MCF2L2: variants seen among roughly 807,000 people sequenced by gnomAD.
The protein encoded by MCF2L2 is probable guanine nucleotide exchange factor MCF2L2.
In MCF2L2, 102 loss-of-function variants were observed where a neutral mutation model predicts 150.2. The observed-to-expected ratio is 0.68, with a 90% CI of 0.58 to 0.80. The LOEUF (loss-of-function observed/expected upper bound fraction) is 0.80. MCF2L2 is among the 30% of genes least tolerant of loss of function. The pLI, the probability that MCF2L2 is intolerant of heterozygous loss-of-function variation, is 0.00. For synonymous variants in MCF2L2, 465 were observed against 491.3 expected (o/e 0.95, Z 0.71); for missense variants, 1,256 against 1,372.8 (o/e 0.91, Z 1.34).
At chr3:183,257,652 CTATCA>C (rs2108404529) in intron 15 of MCF2L2, among the ~76,000 whole-genome samples, 1 of 152,324 alleles carries the variant, frequency 6.6e-6, no homozygotes, top group Non-Finnish European at 1.5e-5. Context: ...TATAAACCCT[CTATCA>C]AGTGTTGCTT....
intron 14 of MCF2L2, among the ~76,000 whole-genome samples, chr3:183,278,668 C>G (rs1224712920): frequency 6.6e-6 from 1 of 152,184 alleles, no homozygotes; most frequent in East Asian, 1.9e-4. Context: ...AAAATTTCCT[C>G]TCACTGTGAA....
At chr3:183,195,157 A>G in intron 26 of MCF2L2, 65 bp downstream of exon 26, 1 of 1,251,812 alleles carries the variant, frequency 8.0e-7, no homozygotes, top group Non-Finnish European at 1.1e-6. Flanking sequence ...AAGCAATGAC[A>G]TGGACTCAAT....
chr3:183,272,269 A>G, intron 15 of MCF2L2: 1 of 1,000,294 alleles, frequency 1.0e-6, no homozygotes, highest in Non-Finnish European at 1.2e-6. Flanking sequence ...TTCACTACAG[A>G]AAGAACTAGG....
intron 15 of MCF2L2, among the ~76,000 whole-genome samples, chr3:183,261,327 G>A (rs965429218): frequency 6.6e-6 from 1 of 152,086 alleles, no homozygotes; most frequent in African/African-American, 2.4e-5. Flanking sequence ...ATGACGAGAA[G>A]AAGCCAGGAA....
chr3:183,289,264 A>G, intron 13 of MCF2L2, 44 bp from the exon 14 acceptor site: 4 of 1,304,788 alleles, frequency 3.1e-6, no homozygotes, highest in Non-Finnish European at 3.3e-6. Flanking sequence ...CTTATAAACT[A>G]TAACTCAGTG....
Position 183,292,579 on chromosome 3 carries a change from A to ACATG in MCF2L2, c.1675+2720_1675+2721insCATG, listed in dbSNP as rs1259595137. ...TGTACACACACACACACACACACAC[A>ACATG]CACACACACATGCACACACACACGT... On this transcript the variant is annotated intron_variant, in intron 13 of 29. Transcript: ENST00000328913. 2.1e-4 allele frequency among the ~76,000 whole-genome samples: 32 copies of ACATG among 152,024 alleles called. No individual in the cohort carries two copies. In the East Asian group the frequency reaches 5.0e-3, roughly 24 times the overall value.
chr3:183,217,362 C>T (rs1027208775), intron 21 of MCF2L2, among the ~76,000 whole-genome samples: 11 of 141,222 alleles, frequency 7.8e-5, no homozygotes, highest in African/African-American at 2.9e-4. Context: ...ATCCCAGCTA[C>T]TCAGGAGGCT....
chr3:183,213,893 T>C (rs1001838341), intron 22 of MCF2L2, among the ~76,000 whole-genome samples: 2 of 152,194 alleles, frequency 1.3e-5, no homozygotes, highest in Non-Finnish European at 2.9e-5. Flanking sequence ...TAAAAGTAAG[T>C]TAAGTCTTAG....
chr3:183,357,202 G>C (rs1318805623), intron 3 of MCF2L2, among the ~76,000 whole-genome samples: 2 of 151,766 alleles, frequency 1.3e-5, no homozygotes, highest in Non-Finnish European at 2.9e-5. Context: ...GAACAAATAG[G>C]GCCACACAAA....
intron 3 of MCF2L2, chr3:183,377,603 G>A (rs943150436): frequency 6.6e-6 from 1 of 152,186 alleles, no homozygotes; most frequent in African/African-American, 2.4e-5. Context: ...ACAGTCTACT[G>A]GGAGAGGCAG....
chr3:183,409,522 A>G (rs1321504009), intron 1 of MCF2L2, among the ~76,000 whole-genome samples: 1 of 151,658 alleles, frequency 6.6e-6, no homozygotes, highest in East Asian at 1.9e-4. Context: ...TGACACTAAA[A>G]GGCAGGAAAT....
chr3:183,228,082 T>C (rs1244545252), intron 18 of MCF2L2: 5 of 460,466 alleles, frequency 1.1e-5, no homozygotes, highest in African/African-American at 2.0e-5. Context: ...TTGATTGCAG[T>C]AATCATTTCA....
At chr3:183,306,916 G>A (rs1729126505) in intron 10 of MCF2L2, among the ~76,000 whole-genome samples, 1 of 152,156 alleles carries the variant, frequency 6.6e-6, no homozygotes, top group African/African-American at 2.4e-5. Flanking sequence ...CCTCAGCAAG[G>A]GTCTCAGTAC....
intron 4 of MCF2L2, among the ~76,000 whole-genome samples, chr3:183,341,227 A>T (rs1223551773): frequency 6.6e-6 from 1 of 152,188 alleles, no homozygotes; most frequent in Non-Finnish European, 1.5e-5. Flanking sequence ...TTATCTACCA[A>T]ATCCTTTAAC....
At chr3:183,402,149 T>C (rs1714787719) in intron 1 of MCF2L2, among the ~76,000 whole-genome samples, 2 of 152,008 alleles carry the variant, frequency 1.3e-5, no homozygotes, top group Non-Finnish European at 2.9e-5. Context: ...TCAAGTTTAT[T>C]TGAAAGAATA....
chr3:183,192,828 A>G (rs1721944982), intron 27 of MCF2L2, 171 bp downstream of exon 27: 1 of 555,706 alleles, frequency 1.8e-6, no homozygotes, highest in African/African-American at 1.9e-5. Flanking sequence ...GCTCTACACA[A>G]ATGAATAGCA....
chr3:183,314,321 T>A (rs898470341), intron 7 of MCF2L2, among the ~76,000 whole-genome samples: 1 of 152,138 alleles, frequency 6.6e-6, no homozygotes, highest in African/African-American at 2.4e-5. Flanking sequence ...TCAGTTTGCT[T>A]AGAAGTTTGA....
chr3:183,353,919 AC>A (rs1167519259), intron 3 of MCF2L2, among the ~76,000 whole-genome samples: 1 of 151,572 alleles, frequency 6.6e-6, no homozygotes, highest in Non-Finnish European at 1.5e-5. Flanking sequence ...CTCTCACCAC[AC>A]TTTTTTTTTA....
chr3:183,400,507 C>G (rs374988752), intron 1 of MCF2L2: 2 of 456,068 alleles, frequency 4.4e-6, no homozygotes, highest in African/African-American at 2.0e-5. Context: ...TTCCAGGAAA[C>G]GGCGCCACCT....
Sources: gnomAD v4.1 joint callset for allele counts (sites outside exome capture counted in the v4.1 genomes callset) on GRCh38, gnomAD v4.1.1 for gene constraint, MANE v1.5 for transcripts, NCBI Gene and HGNC (gene_info 2026-07-23, HGNC 2026-07-21) for gene names.